The following FAT3 variants were observed in gnomAD, a reference collection of about 807,000 sequenced individuals.
FAT3 encodes the protein FAT atypical cadherin 3, also known as protocadherin Fat 3.
A neutral mutation model predicts 310.2 loss-of-function variants in FAT3; 95 were observed. That is an observed-to-expected ratio of 0.31 (90% CI 0.26 to 0.36). The LOEUF (loss-of-function observed/expected upper bound fraction) is 0.36. FAT3 is among the 10% of genes least tolerant of loss of function. The pLI is 1.00. For synonymous variants in FAT3, 2,314 were observed against 2,192.9 expected (o/e 1.06, Z -1.54); for missense variants, 5,408 against 5,715.6 (o/e 0.95, Z 1.74).
At chr11:92,574,442 G>A (rs1938357466) in intron 3 of FAT3, among the ~76,000 whole-genome samples, 1 of 152,060 alleles carries the variant, frequency 6.6e-6, no homozygotes, top group African/African-American at 2.4e-5. Context: ...GTCTTGTGTG[G>A]CCTCTGCTGT....
At chr11:92,444,574 A>G (rs1951164490) in intron 2 of FAT3, among the ~76,000 whole-genome samples, 1 of 151,404 alleles carries the variant, frequency 6.6e-6, no homozygotes, top group Non-Finnish European at 1.5e-5. Flanking sequence ...TGGTAAGTTT[A>G]TTTAGAGTCC....
intron 5 of FAT3, among the ~76,000 whole-genome samples, chr11:92,763,486 T>G (rs905462638): frequency 6.6e-6 from 1 of 152,100 alleles, no homozygotes; most frequent in Non-Finnish European, 1.5e-5. Flanking sequence ...CCAATCCCAT[T>G]CTCAGACTGC....
At chr11:92,491,412 T>C (rs959502962) in intron 2 of FAT3, among the ~76,000 whole-genome samples, 1 of 152,026 alleles carries the variant, frequency 6.6e-6, no homozygotes. Flanking sequence ...AACATATTAA[T>C]AGTGCTCAGC....
At chr11:92,750,498 G>A (rs576286648) in intron 4 of FAT3, among the ~76,000 whole-genome samples, 2 of 152,306 alleles carry the variant, frequency 1.3e-5, no homozygotes, top group African/African-American at 4.8e-5. Flanking sequence ...AGAGGAGCTT[G>A]GCTTTATAGA....
At chr11:92,369,645 C>T (rs570482379) in intron 2 of FAT3, among the ~76,000 whole-genome samples, 3 of 152,148 alleles carry the variant, frequency 2.0e-5, no homozygotes, top group South Asian at 2.1e-4. Flanking sequence ...GTCAAGAGAT[C>T]GAGACCATCC....
At chr11:92,295,141 C>G (rs1946816597) in intron 1 of FAT3, among the ~76,000 whole-genome samples, 1 of 152,140 alleles carries the variant, frequency 6.6e-6, no homozygotes. Flanking sequence ...CAGCTCACAT[C>G]TACTGAGCAT....
At chr11:92,539,123 A>AT (rs1284494445) in intron 3 of FAT3, among the ~76,000 whole-genome samples, 3 of 152,088 alleles carry the variant, frequency 2.0e-5, no homozygotes, top group Non-Finnish European at 2.9e-5. Context: ...TAAATTGTTC[A>AT]TTTTTTACTG....
At chr11:92,256,921 A>G (rs1009113325) in intron 1 of FAT3, among the ~76,000 whole-genome samples, 10 of 152,114 alleles carry the variant, frequency 6.6e-5, no homozygotes, top group African/African-American at 2.4e-4. Flanking sequence ...TAAATCGTAT[A>G]ATCTCAGCTG....
chr11:92,697,325 C>A, intron 3 of FAT3, 59 bp from the exon 4 acceptor site: 2 of 1,512,306 alleles, frequency 1.3e-6, no homozygotes, highest in Non-Finnish European at 1.8e-6. Flanking sequence ...TGTTTCCCCA[C>A]ACTCAGTAAG....
intron 15 of FAT3, among the ~76,000 whole-genome samples, chr11:92,835,517 CTAAGAG>C (rs1198412237): frequency 2.0e-5 from 3 of 152,020 alleles, no homozygotes; most frequent in African/African-American, 7.3e-5. Context: ...TTCAAAACGG[CTAAGAG>C]TAAGTTTCAA....
At chr11:92,748,719 C>A (rs1393344515) in intron 4 of FAT3, 1 of 152,200 alleles carries the variant, frequency 6.6e-6, no homozygotes, top group African/African-American at 2.4e-5. Flanking sequence ...TGGTTTATTT[C>A]TTAATACCAA....
Position 92,304,840 on chromosome 11 carries a change from A to G in FAT3, c.-17-47256A>G, listed in dbSNP as rs556982425. Among the ~76,000 whole-genome samples the G allele has an allele frequency of 8.5e-5, 13 of 152,180 alleles. No individual in the cohort carries two copies. In the South Asian group the frequency reaches 2.5e-3, roughly 29 times the overall value. On this transcript the variant is annotated intron_variant, in intron 1 of 27. Coordinates refer to ENST00000525166, the MANE Select transcript of FAT3 (RefSeq NM_001367949.2). ...TGAGGTCTGGATTGTGGACCATCCT[A>G]TGGGTCCTTTTGGGAGGGACAGTTG...
chr11:92,892,348 A>G lies in FAT3; in HGVS notation c.*1235A>G, dbSNP rs1357530406. 6.6e-6 allele frequency: 1 copy of G among 152,114 alleles called. No individual in the cohort carries two copies. Among genetic ancestry groups the G allele is most frequent in the Non-Finnish European group, 1.5e-5 (1 of 68,026 alleles). 9.4% of individuals were successfully genotyped at this position (152,114 alleles called of 1,614,324 possible). The stretch of plus-strand genomic sequence containing the variant: ...TCTCTATGGTGTTAGAGAAACATCA[A>G]ATGCCATATTTTACTCTGGTTCAGT... On this transcript the variant is annotated 3_prime_UTR_variant, in exon 28 of 28. Coordinates refer to ENST00000525166, the MANE Select transcript of FAT3 (RefSeq NM_001367949.2).
intron 2 of FAT3, among the ~76,000 whole-genome samples, chr11:92,431,708 C>G (rs949820235): frequency 1.3e-5 from 2 of 151,944 alleles, no homozygotes; most frequent in African/African-American, 4.8e-5. Context: ...AGGAAGGGAT[C>G]CGGTTTCAGC....
chr11:92,391,082 A>G (rs1247077187), intron 2 of FAT3, among the ~76,000 whole-genome samples: 1 of 152,220 alleles, frequency 6.6e-6, no homozygotes, highest in African/African-American at 2.4e-5. Context: ...ACAACTCCAG[A>G]GCAGTTAACA....
chr11:92,554,411 G>A lies in FAT3; in HGVS notation c.3607+29463G>A, dbSNP rs1365225124. On this transcript the variant is annotated intron_variant, in intron 3 of 27. Coordinates refer to ENST00000525166, the MANE Select transcript of FAT3 (RefSeq NM_001367949.2). ...TGGGAGGCGGAGCTTGCAGTGAGCC[G>A]AGATTGCGCCACTGCACTCCAACCT... Among the ~76,000 whole-genome samples the A allele has an allele frequency of 2.6e-4, 35 of 133,430 alleles. 1 individual carries two copies. Among genetic ancestry groups the A allele is most frequent in the Admixed American group, 2.6e-3 (30 of 11,454 alleles). The allele number at this position is 133,430 out of a possible 152,430, so 87.5% of individuals were successfully genotyped here.
At chr11:92,547,532 A>G (rs923768662) in intron 3 of FAT3, among the ~76,000 whole-genome samples, 1 of 152,142 alleles carries the variant, frequency 6.6e-6, no homozygotes, top group African/African-American at 2.4e-5. Context: ...TTCAAACCTG[A>G]AAGACCAGGT....
intron 4 of FAT3, among the ~76,000 whole-genome samples, chr11:92,732,953 A>T (rs1488289657): frequency 6.6e-6 from 1 of 152,204 alleles, no homozygotes; most frequent in Non-Finnish European, 1.5e-5. Flanking sequence ...ATAACCACTG[A>T]GTTTGATGTT....
chr11:92,631,300 G>T (rs1941548920), intron 3 of FAT3, among the ~76,000 whole-genome samples: 1 of 152,188 alleles, frequency 6.6e-6, no homozygotes, highest in African/African-American at 2.4e-5. Flanking sequence ...GGGTCACCAT[G>T]ACAGTCTTCT....
Sources: gnomAD v4.1 joint callset for allele counts (sites outside exome capture counted in the v4.1 genomes callset) on GRCh38, gnomAD v4.1.1 for gene constraint, MANE v1.5 for transcripts, NCBI Gene and HGNC (gene_info 2026-07-23, HGNC 2026-07-21) for gene names.